CADM2: variants seen among roughly 807,000 people sequenced by gnomAD.
CADM2 encodes the protein immunoglobulin superfamily member 4D.
A neutral mutation model predicts 49.8 loss-of-function variants in CADM2; 12 were observed. The observed-to-expected ratio is 0.24, with a 90% CI of 0.15 to 0.39. The LOEUF (loss-of-function observed/expected upper bound fraction) is 0.39. Ranked by LOEUF, CADM2 falls within the 10% of genes least tolerant of loss-of-function variation. CADM2 has a pLI of 1.00. For missense variants in CADM2, 378 were observed against 492.3 expected (o/e 0.77, Z 2.20); for synonymous variants, 214 against 175.4 (o/e 1.22, Z -1.74).
At chr3:85,945,960 A>G (rs1375649124) in intron 7 of CADM2, among the ~76,000 whole-genome samples, 7 of 152,228 alleles carry the variant, frequency 4.6e-5, no homozygotes, top group Non-Finnish European at 8.8e-5. Flanking sequence ...AATAAAGGGT[A>G]TTCAGTTAGG....
At chr3:84,979,820 G>A (rs1447158034) in intron 1 of CADM2, among the ~76,000 whole-genome samples, 3 of 151,978 alleles carry the variant, frequency 2.0e-5, no homozygotes, top group African/African-American at 7.3e-5. Flanking sequence ...ATGTCTAAAA[G>A]GATAGATTAA....
intron 1 of CADM2, among the ~76,000 whole-genome samples, chr3:85,643,025 A>G (rs569635192): frequency 1.3e-5 from 2 of 152,268 alleles, no homozygotes; most frequent in East Asian, 1.9e-4. Context: ...TGTCTTAAGT[A>G]TATTAATAAT....
intron 1 of CADM2, among the ~76,000 whole-genome samples, chr3:85,209,666 A>T (rs1559721746): frequency 1.3e-5 from 2 of 148,538 alleles, no homozygotes; most frequent in African/African-American, 2.5e-5. Flanking sequence ...CAGGCATCTT[A>T]AAAAAAAAAC....
At chr3:85,415,563 A>T (rs1334141299) in intron 1 of CADM2, among the ~76,000 whole-genome samples, 2 of 152,166 alleles carry the variant, frequency 1.3e-5, no homozygotes, top group Non-Finnish European at 2.9e-5. Context: ...TGGATTCTTC[A>T]GGTACTTTTC....
At chr3:85,552,998 T>G (rs2061852166) in intron 1 of CADM2, among the ~76,000 whole-genome samples, 1 of 152,272 alleles carries the variant, frequency 6.6e-6, no homozygotes, top group South Asian at 2.1e-4. Context: ...TTTTTAAAAA[T>G]ATTTTTAAGT....
intron 5 of CADM2, among the ~76,000 whole-genome samples, chr3:85,893,142 G>T (rs1020862921): frequency 6.6e-6 from 1 of 152,148 alleles, no homozygotes; most frequent in South Asian, 2.1e-4. Context: ...TATGGCAGAA[G>T]AAATTTCTGA....
intron 1 of CADM2, among the ~76,000 whole-genome samples, chr3:85,342,818 AC>A: frequency 6.6e-6 from 1 of 152,128 alleles, no homozygotes; most frequent in Non-Finnish European, 1.5e-5. Context: ...AAGATTTTTA[AC>A]CCAAGCAAGA....
rs907407824 is a variant in CADM2 at position 85,773,970 on chromosome 3, C to A, written c.89-28077C>A. On this transcript the variant is annotated intron_variant, in intron 2 of 9. Transcript: ENST00000383699. ...TTTTACCTATCCAGGAAAGCATAAT[C>A]TTGTTTTTGGAGGCTGATACTTTTT... Among the ~76,000 whole-genome samples the A allele has an allele frequency of 2.6e-5, 4 of 151,968 alleles. No individual in the cohort carries two copies. In the South Asian group the frequency reaches 8.3e-4, roughly 31 times the overall value.
intron 5 of CADM2, among the ~76,000 whole-genome samples, chr3:85,891,306 A>C (rs1714403853): frequency 2.0e-5 from 3 of 152,208 alleles, no homozygotes; most frequent in Non-Finnish European, 4.4e-5. Context: ...GTATAAGTTT[A>C]GTTCTGTGCA....
intron 1 of CADM2, among the ~76,000 whole-genome samples, chr3:85,709,113 T>G (rs2067037444): frequency 6.6e-6 from 1 of 152,120 alleles, no homozygotes; most frequent in African/African-American, 2.4e-5. Flanking sequence ...CCCAAATAAC[T>G]CAGATCTCTA....
chr3:85,781,431 A>G (rs77025486), intron 2 of CADM2, among the ~76,000 whole-genome samples: 7,044 of 152,156 alleles, frequency 0.046, 201 homozygotes, highest in Non-Finnish European at 0.072. Context: ...GATTGTCTAC[A>G]TGGTGCAAGT....
intron 3 of CADM2, among the ~76,000 whole-genome samples, chr3:85,850,470 G>A (rs979826555): frequency 1.3e-5 from 2 of 151,786 alleles, no homozygotes; most frequent in East Asian, 1.9e-4. Flanking sequence ...GACTACAGGC[G>A]CCCGCCACCA....
intron 1 of CADM2, among the ~76,000 whole-genome samples, chr3:85,121,231 A>C (rs190751835): frequency 6.6e-6 from 1 of 152,136 alleles, no homozygotes; most frequent in Admixed American, 6.6e-5. Flanking sequence ...CAAAACACTC[A>C]CTGTCATTTT....
intron 1 of CADM2, among the ~76,000 whole-genome samples, chr3:85,371,714 T>TATAG (rs2033254242): frequency 7.2e-6 from 1 of 138,124 alleles, no homozygotes; most frequent in African/African-American, 2.7e-5. Flanking sequence ...TATATATATA[T>TATAG]TCACTTACAA....
At chr3:86,036,652 C>T (rs545753932) in intron 8 of CADM2, among the ~76,000 whole-genome samples, 1 of 152,184 alleles carries the variant, frequency 6.6e-6, no homozygotes, top group Non-Finnish European at 1.5e-5. Context: ...TATAAATTCC[C>T]TTACTAGTTT....
chr3:85,602,644 C>T (rs1020919692), intron 1 of CADM2, among the ~76,000 whole-genome samples: 6 of 151,674 alleles, frequency 4.0e-5, no homozygotes, highest in Non-Finnish European at 7.4e-5. Context: ...ATGCTTATAC[C>T]TGTATTTGAT....
intron 8 of CADM2, among the ~76,000 whole-genome samples, chr3:86,012,250 T>C (rs1336239915): frequency 3.3e-5 from 5 of 152,176 alleles, no homozygotes; most frequent in Non-Finnish European, 7.4e-5. Context: ...TTTATGTATG[T>C]ATAGTTATTT....
intron 1 of CADM2, among the ~76,000 whole-genome samples, chr3:85,381,159 A>T (rs1421069509): frequency 6.6e-6 from 1 of 152,016 alleles, no homozygotes; most frequent in African/African-American, 2.4e-5. Context: ...GAGAAGTGAT[A>T]TAAAGCATGC....
In CADM2 at chr3:86,072,374, A is replaced by T. The variant is rs953727840; in HGVS notation, c.*5591A>T. ...GAAATGTATGATTATTTTGGAGAGAATGGGCCCAAATGTGAAAAAGATATA... is the reference window on the plus strand; with the variant it reads ...GAAATGTATGATTATTTTGGAGAGATTGGGCCCAAATGTGAAAAAGATATA... On this transcript the variant is annotated 3_prime_UTR_variant, in exon 10 of 10. Coordinates refer to ENST00000383699, the MANE Select transcript of CADM2 (RefSeq NM_001167675.2). 1 of 150,656 alleles carries T rather than the reference A, an allele frequency of 6.6e-6. No homozygotes were observed. Among genetic ancestry groups the T allele is most frequent in the Non-Finnish European group, 1.5e-5 (1 of 67,580 alleles). The allele number at this position is 150,656 out of a possible 1,614,324, so 9.3% of individuals were successfully genotyped here.
Sources: allele counts gnomAD v4.1 joint callset (sites outside exome capture counted in the v4.1 genomes callset), GRCh38; gene constraint gnomAD v4.1.1; transcripts MANE v1.5; gene names NCBI Gene and HGNC (gene_info 2026-07-23, HGNC 2026-07-21).